Variants in ATRNL1 observed in about 807,000 individuals in gnomAD.
The protein encoded by ATRNL1 is attractin-like protein 1.
ATRNL1 carries 95 observed loss-of-function variants against 182.7 expected under a neutral mutation model. The observed-to-expected ratio is 0.52, with a 90% CI of 0.44 to 0.62. The LOEUF (loss-of-function observed/expected upper bound fraction) is 0.62. Among genes scored for constraint, ATRNL1 ranks in the 20% least tolerant of loss-of-function variants. The pLI is 0.00. For missense variants in ATRNL1, 1,471 were observed against 1,679.5 expected, an observed-to-expected ratio of 0.88 and a Z score of 2.17; for synonymous variants, 576 against 568.3, an observed-to-expected ratio of 1.01 and a Z score of -0.19.
Position 115,945,987 on chromosome 10 carries a change from T to A in ATRNL1, c.*1208T>A, listed in dbSNP as rs1342756070. ...TATGGCAGAAAGGAAAAATAAAACATACTTCACATTAGAACACAGAATCAT... is the reference window on the plus strand; with the variant it reads ...TATGGCAGAAAGGAAAAATAAAACAAACTTCACATTAGAACACAGAATCAT... On this transcript the variant is annotated 3_prime_UTR_variant, in exon 29 of 29. Transcript: ENST00000355044. 2 of 152,220 alleles carry A rather than the reference T, an allele frequency of 1.3e-5. No homozygotes were observed. Among genetic ancestry groups the A allele is most frequent in the Admixed American group, 1.3e-4 (2 of 15,286 alleles). The allele number at this position is 152,220 out of a possible 1,614,324, so 9.4% of individuals were successfully genotyped here.
At chr10:115,323,699 C>T (rs1340245474) in intron 18 of ATRNL1, among the ~76,000 whole-genome samples, 1 of 152,078 alleles carries the variant, frequency 6.6e-6, no homozygotes, top group Non-Finnish European at 1.5e-5. Context: ...CCACCTTGGC[C>T]TCCCAAAGTG....
intron 24 of ATRNL1, among the ~76,000 whole-genome samples, chr10:115,490,638 G>A (rs1250221617): frequency 1.3e-5 from 2 of 151,856 alleles, no homozygotes; most frequent in Non-Finnish European, 2.9e-5. Flanking sequence ...TTTTTTCAAG[G>A]TTCTTATCTT....
rs533715164 is a variant in ATRNL1, at chr10:115,158,235, A to G, written c.830-1805A>G. Among the ~76,000 whole-genome samples, 4 of 152,134 alleles carry G rather than the reference A, an allele frequency of 2.6e-5. No individual in the cohort carries two copies. The South Asian group carries it at 8.3e-4, about 31-fold the overall frequency. On this transcript the variant is annotated intron_variant, in intron 5 of 28. Coordinates refer to ENST00000355044, the MANE Select transcript of ATRNL1 (RefSeq NM_207303.4). ...AATAGATGCATTATATATAATTTCT[A>G]TATGATTTCATGTCTTTTCAGTTAA... is the stretch of plus-strand genomic sequence containing the variant.
rs117039555 is a variant in ATRNL1 at position 115,736,015 on chromosome 10, A to G, written c.3903+8660A>G. Reference sequence around the variant, plus strand: ...CAGTTTTATCACAATTTAACAAAGTATACCTTTATTTGTTTTTAACCTACT... The same window carrying G: ...CAGTTTTATCACAATTTAACAAAGTGTACCTTTATTTGTTTTTAACCTACT... On this transcript the variant is annotated intron_variant, in intron 27 of 28. Coordinates refer to ENST00000355044, the MANE Select transcript of ATRNL1 (RefSeq NM_207303.4). Among the ~76,000 whole-genome samples the G allele has an allele frequency of 9.7e-4, 148 of 152,300 alleles. 1 individual carries two copies. In the East Asian group the frequency reaches 0.02, roughly 21 times the overall value.
chr10:115,096,944 C>CT, intron 1 of ATRNL1: 1 of 414,704 alleles, frequency 2.4e-6, no homozygotes, highest in Non-Finnish European at 3.5e-6. Context: ...GATACAGACT[C>CT]TAATTCAAGT....
intron 18 of ATRNL1, among the ~76,000 whole-genome samples, chr10:115,322,082 A>C (rs1854611511): frequency 6.6e-6 from 1 of 152,070 alleles, no homozygotes; most frequent in African/African-American, 2.4e-5. Context: ...AGAAACTTTT[A>C]ACATATACAT....
chr10:115,419,542 A>G (rs1554961553), intron 20 of ATRNL1, among the ~76,000 whole-genome samples: 1 of 152,214 alleles, frequency 6.6e-6, no homozygotes, highest in Non-Finnish European at 1.5e-5. Context: ...CTTTACGTAT[A>G]AAACAACATG....
At chr10:115,869,738 T>C (rs1020292260) in intron 28 of ATRNL1, among the ~76,000 whole-genome samples, 2 of 152,188 alleles carry the variant, frequency 1.3e-5, no homozygotes, top group African/African-American at 2.4e-5. Context: ...ACATATTTTA[T>C]TCAGGACTTT....
chr10:115,195,946 A>C (rs1230288408), intron 8 of ATRNL1, among the ~76,000 whole-genome samples: 1 of 151,998 alleles, frequency 6.6e-6, no homozygotes, highest in Non-Finnish European at 1.5e-5. Flanking sequence ...GTCCTCAGAT[A>C]TTTGTGATCC....
chr10:115,227,008 A>G (rs1306087558), intron 9 of ATRNL1, among the ~76,000 whole-genome samples: 2 of 152,106 alleles, frequency 1.3e-5, no homozygotes, highest in Non-Finnish European at 2.9e-5. Flanking sequence ...TCTTCTTGAC[A>G]TTGGCCTTGA....
rs556954221 is a variant in ATRNL1, at chr10:115,834,339, C to A, written c.3904-13538C>A. 9.9e-5 allele frequency among the ~76,000 whole-genome samples: 15 copies of A among 152,266 alleles called. No individual in the cohort carries two copies. The East Asian group carries it at 2.9e-3, about 29-fold the overall frequency. On this transcript the variant is annotated intron_variant, in intron 27 of 28. Coordinates refer to ENST00000355044, the MANE Select transcript of ATRNL1 (RefSeq NM_207303.4). ...CCTTTGAGCCATATTATTTTAGATTCTCTAATGGTGGGATTATACCTGTAA... is the reference window on the plus strand; with the variant it reads ...CCTTTGAGCCATATTATTTTAGATTATCTAATGGTGGGATTATACCTGTAA...
At chr10:115,811,075 T>C (rs185063837) in intron 27 of ATRNL1, among the ~76,000 whole-genome samples, 53 of 152,052 alleles carry the variant, frequency 3.5e-4, no homozygotes, top group African/African-American at 1.3e-3. Context: ...GCTTGGAACA[T>C]TGATTAGAGA....
intron 1 of ATRNL1, among the ~76,000 whole-genome samples, chr10:115,114,002 C>G (rs970786812): frequency 2.0e-5 from 3 of 151,304 alleles, no homozygotes; most frequent in African/African-American, 7.3e-5. Flanking sequence ...TTTCCATGAA[C>G]TTTTAGTCAT....
rs547663471 is a variant in ATRNL1, at chr10:115,737,548, CA to C, written c.3903+10194del. Among the ~76,000 whole-genome samples the C allele has an allele frequency of 1.5e-3, 232 of 152,238 alleles. 10 individuals carry two copies. The South Asian group carries it at 0.047, about 31-fold the overall frequency. On this transcript the variant is annotated intron_variant, in intron 27 of 28. Transcript: ENST00000355044. ...TCTGGCAACTCTATTTTACTGAACA[CA>C]GGTTCTCTTTGGATTGCCATTCCTC...
chr10:115,906,186 A>G (rs577352184), intron 28 of ATRNL1, among the ~76,000 whole-genome samples: 1 of 152,340 alleles, frequency 6.6e-6, no homozygotes, highest in Admixed American at 6.5e-5. Flanking sequence ...AATTATAATT[A>G]TAACTTATAT....
chr10:115,221,804 A>G (rs1178054788), intron 9 of ATRNL1, among the ~76,000 whole-genome samples: 1 of 152,160 alleles, frequency 6.6e-6, no homozygotes, highest in Non-Finnish European at 1.5e-5. Flanking sequence ...CCACCTTTGA[A>G]TCATCATAAT....
intron 28 of ATRNL1, among the ~76,000 whole-genome samples, chr10:115,910,338 C>T (rs1196051870): frequency 1.3e-5 from 2 of 152,162 alleles, no homozygotes; most frequent in African/African-American, 2.4e-5. Context: ...TTTGACTATT[C>T]TGAGTGGATG....
chr10:115,167,039 T>C (rs1463464520), intron 7 of ATRNL1, among the ~76,000 whole-genome samples: 1 of 152,040 alleles, frequency 6.6e-6, no homozygotes, highest in Admixed American at 6.6e-5. Context: ...TTTTAGTTCT[T>C]AGGTTTAAGT....
At chr10:115,101,106 G>T (rs1261847258) in intron 1 of ATRNL1, among the ~76,000 whole-genome samples, 1 of 151,990 alleles carries the variant, frequency 6.6e-6, no homozygotes, top group African/African-American at 2.4e-5. Flanking sequence ...ATTACTTGTG[G>T]TAGATTTTTG....
Sources: gnomAD v4.1 joint callset for allele counts (sites outside exome capture counted in the v4.1 genomes callset) on GRCh38, gnomAD v4.1.1 for gene constraint, MANE v1.5 for transcripts, NCBI Gene and HGNC (gene_info 2026-07-23, HGNC 2026-07-21) for gene names.